Variants in CALD1 observed in about 807,000 individuals in gnomAD.
The protein encoded by CALD1 is caldesmon.
In CALD1, 33 loss-of-function variants were observed where a neutral mutation model predicts 99.9. That is an observed-to-expected ratio of 0.33 (90% CI 0.25 to 0.44). CALD1 has a LOEUF of 0.44. CALD1 is among the 20% of genes least tolerant of loss of function. The pLI is 1.00. For missense variants in CALD1, 861 were observed against 962.1 expected (o/e 0.89, Z 1.39); for synonymous variants, 310 against 325.0 (o/e 0.95, Z 0.50).
chr7:134,842,272 G>A (rs1175453471), intron 1 of CALD1, among the ~76,000 whole-genome samples: 2 of 152,166 alleles, frequency 1.3e-5, no homozygotes, highest in Admixed American at 1.3e-4. Context: ...GTGAATTCAG[G>A]CAAATGACTT....
intron 1 of CALD1, among the ~76,000 whole-genome samples, chr7:134,786,766 A>G (rs900676627): frequency 6.6e-6 from 1 of 152,214 alleles, no homozygotes. Flanking sequence ...AACCTTTTCA[A>G]TATACCACAT....
At chr7:134,832,391 C>G (rs963368997) in intron 1 of CALD1, among the ~76,000 whole-genome samples, 6 of 152,202 alleles carry the variant, frequency 3.9e-5, no homozygotes, top group Non-Finnish European at 8.8e-5. Flanking sequence ...TCTCCTGCTC[C>G]CTGCTCATGA....
chr7:134,749,844 CT>C (rs1284999252), intron 1 of CALD1, among the ~76,000 whole-genome samples: 1 of 152,156 alleles, frequency 6.6e-6, no homozygotes, highest in East Asian at 1.9e-4. Context: ...ATTTAAAGAA[CT>C]GACATAGGTT....
At position 134,947,844 on chromosome 7, in the gene CALD1, A is replaced by G; in HGVS notation, c.1794+75A>G. The G allele has an allele frequency of 4.6e-6, 7 of 1,514,196 alleles. No individual in the cohort carries two copies. The South Asian group carries it at 6.5e-5, about 14-fold the overall frequency. The allele number at this position is 1,514,196 out of a possible 1,614,324, so 93.8% of individuals were successfully genotyped here. A position where few individuals can be genotyped will look rare whatever the true frequency, so the allele number is the denominator to read the frequency against. On this transcript the variant is annotated intron_variant, in intron 8 of 14. Coordinates refer to ENST00000361675, the MANE Select transcript of CALD1 (RefSeq NM_033138.4). ...GTGCCGTGCGGCTGTTCTTTTGAGC[A>G]TGGGCTCTCAAAAATATTTTTTTAA...
intron 1 of CALD1, among the ~76,000 whole-genome samples, chr7:134,811,268 A>G (rs1798344992): frequency 2.0e-5 from 3 of 152,216 alleles, no homozygotes; most frequent in Admixed American, 2.0e-4. Context: ...TTGTTTACTG[A>G]CACTGTACTA....
At chr7:134,886,873 A>T (rs955795245) in intron 3 of CALD1, among the ~76,000 whole-genome samples, 5 of 152,220 alleles carry the variant, frequency 3.3e-5, no homozygotes, top group African/African-American at 1.2e-4. Flanking sequence ...TACATGTCTT[A>T]TCTCCCTTTA....
At chr7:134,768,274 T>C (rs547423140) in intron 1 of CALD1, among the ~76,000 whole-genome samples, 2 of 152,302 alleles carry the variant, frequency 1.3e-5, no homozygotes, top group South Asian at 2.1e-4. Flanking sequence ...TTCCGGACCA[T>C]CAGTGCCCTT....
chr7:134,850,329 T>C (rs1027403657), intron 2 of CALD1, among the ~76,000 whole-genome samples: 1 of 152,232 alleles, frequency 6.6e-6, no homozygotes, highest in Non-Finnish European at 1.5e-5. Context: ...ATTATCCATT[T>C]ACAGGTCTTG....
At chr7:134,794,002 G>A (rs1480815214) in intron 1 of CALD1, among the ~76,000 whole-genome samples, 1 of 151,640 alleles carries the variant, frequency 6.6e-6, no homozygotes, top group African/African-American at 2.4e-5. Flanking sequence ...CCTTCTTTTG[G>A]GTACAGACTG....
At chr7:134,825,590 A>C (rs1798956030) in intron 1 of CALD1, among the ~76,000 whole-genome samples, 1 of 152,146 alleles carries the variant, frequency 6.6e-6, no homozygotes, top group African/African-American at 2.4e-5. Flanking sequence ...AAATGTGAAG[A>C]TTTCCCTTTT....
chr7:134,802,309 T>C, intron 1 of CALD1, among the ~76,000 whole-genome samples: 1 of 152,224 alleles, frequency 6.6e-6, no homozygotes, highest in Non-Finnish European at 1.5e-5. Flanking sequence ...TTGGAATTCA[T>C]ATAAATGGAA....
intron 3 of CALD1, among the ~76,000 whole-genome samples, chr7:134,912,991 G>A (rs1028841042): frequency 3.3e-5 from 5 of 152,152 alleles, no homozygotes; most frequent in African/African-American, 1.2e-4. Context: ...GGGGCTGAGC[G>A]TGGTGGCTCA....
chr7:134,914,480 G>T (rs925116098), intron 3 of CALD1, among the ~76,000 whole-genome samples: 3 of 152,192 alleles, frequency 2.0e-5, no homozygotes, highest in Non-Finnish European at 4.4e-5. Context: ...AATGTGTGCT[G>T]CCCTTCCGGG....
chr7:134,800,596 TTCTG>T (rs759371924), intron 1 of CALD1, among the ~76,000 whole-genome samples: 9 of 152,034 alleles, frequency 5.9e-5, no homozygotes, highest in African/African-American at 7.2e-5. Flanking sequence ...TTTTTAATAT[TTCTG>T]TCTAATTATC....
chr7:134,773,435 A>G (rs537844062), intron 1 of CALD1, among the ~76,000 whole-genome samples: 1 of 152,006 alleles, frequency 6.6e-6, no homozygotes, highest in East Asian at 1.9e-4. Context: ...CACCATGCTC[A>G]GCTAATTTTT....
At chr7:134,932,742 C>T (rs1488108945) in intron 4 of CALD1, among the ~76,000 whole-genome samples, 1 of 152,156 alleles carries the variant, frequency 6.6e-6, no homozygotes, top group Non-Finnish European at 1.5e-5. Flanking sequence ...GAAAACTGCT[C>T]CCAGGGGACA....
Position 134,867,749 on chromosome 7 carries a change from C to G in CALD1, c.16C>G (p.Arg6Gly). ...AAATCACACCATGGATGATTTTGAGCGTCGCAGAGAACTTAGAAGGCAAAA... is the reference window on the plus strand; with the variant it reads ...AAATCACACCATGGATGATTTTGAGGGTCGCAGAGAACTTAGAAGGCAAAA... Reference protein sequence around the residue: MDDFERRRELRRQKRE... With the variant: MDDFEGRRELRRQKRE... The change falls in exon 3 of 15, where the codon CGT becomes GGT. Residue 6 changes from arginine to glycine, a missense_variant. Arg to Gly is a moderately radical substitution (Grantham distance 125). Transcript: ENST00000361675. 6.2e-7 allele frequency: 1 copy of G among 1,607,524 alleles called. No homozygotes were observed. The highest frequency in any genetic ancestry group is 8.5e-7 in the Non-Finnish European group (1 of 1,175,616).
intron 1 of CALD1, among the ~76,000 whole-genome samples, chr7:134,745,835 C>A (rs1796630648): frequency 6.6e-6 from 1 of 152,128 alleles, no homozygotes; most frequent in African/African-American, 2.4e-5. Flanking sequence ...TATGATGTGG[C>A]CTTAATAGAT....
At chr7:134,758,360 T>C (rs965345948) in intron 1 of CALD1, among the ~76,000 whole-genome samples, 2 of 152,216 alleles carry the variant, frequency 1.3e-5, no homozygotes, top group African/African-American at 4.8e-5. Flanking sequence ...TTATAACATA[T>C]ATAATCAACC....
Sources: allele counts gnomAD v4.1 joint callset (sites outside exome capture counted in the v4.1 genomes callset), GRCh38; gene constraint gnomAD v4.1.1; transcripts MANE v1.5; gene names NCBI Gene and HGNC (gene_info 2026-07-23, HGNC 2026-07-21).